FOXP1: variants seen among roughly 807,000 people sequenced by gnomAD.
The protein encoded by FOXP1 is forkhead box P1, also known as forkhead box protein P1.
FOXP1 carries 15 observed loss-of-function variants against 98.2 expected under a neutral mutation model. That is an observed-to-expected ratio of 0.15 (90% CI 0.10 to 0.24). The LOEUF (loss-of-function observed/expected upper bound fraction) is 0.24. Ranked by LOEUF, FOXP1 falls within the 10% of genes least tolerant of loss-of-function variation. FOXP1 has a pLI of 1.00. For synonymous variants in FOXP1, 371 were observed against 314.5 expected (o/e 1.18, Z -1.90); for missense variants, 633 against 848.5 (o/e 0.75, Z 3.15).
chr3:71,226,044 A>AT (rs2065809027), intron 5 of FOXP1, among the ~76,000 whole-genome samples: 1 of 152,250 alleles, frequency 6.6e-6, no homozygotes, highest in African/African-American at 2.4e-5. Flanking sequence ...CCTGGTTCAG[A>AT]TTCAGGAGAG....
chr3:71,108,583 T>A (rs1013207613), intron 7 of FOXP1, among the ~76,000 whole-genome samples: 2 of 152,156 alleles, frequency 1.3e-5, no homozygotes, highest in African/African-American at 4.8e-5. Flanking sequence ...CTGGTCAACA[T>A]GGTGAAACCA....
In FOXP1 at chr3:70,956,875, G is replaced by C. The variant is rs1559550993; in HGVS notation, c.*2372C>G. The C allele has an allele frequency of 4.7e-6, 1 of 213,142 alleles. No homozygotes were observed. Among genetic ancestry groups the C allele is most frequent in the Non-Finnish European group, 9.4e-6 (1 of 106,940 alleles). 13.2% of individuals were successfully genotyped at this position (213,142 alleles called of 1,614,324 possible). ...TTTGTACCAAGCTTATGAGTGGATG[G>C]GAGTGTTACTTTTCTTTAAATGAAA... On this transcript the variant is annotated 3_prime_UTR_variant, in exon 21 of 21. Transcript: ENST00000649528.
chr3:71,121,478 TA>T (rs371233213), intron 6 of FOXP1, among the ~76,000 whole-genome samples: 6 of 124,166 alleles, frequency 4.8e-5, no homozygotes, highest in Admixed American at 8.9e-5. Context: ...TGGGAAGAGC[TA>T]AAAAAAAAAC....
intron 5 of FOXP1, among the ~76,000 whole-genome samples, chr3:71,205,217 T>C (rs2063945747): frequency 6.6e-6 from 1 of 152,160 alleles, no homozygotes. Flanking sequence ...ATTTCCGAAT[T>C]GACAAACAAA....
intron 6 of FOXP1, among the ~76,000 whole-genome samples, chr3:71,145,474 A>G (rs1233640244): frequency 6.6e-6 from 1 of 152,170 alleles, no homozygotes; most frequent in Admixed American, 6.5e-5. Flanking sequence ...ACCGGAGGGC[A>G]GAGGTTGCAA....
intron 3 of FOXP1, among the ~76,000 whole-genome samples, chr3:71,467,172 C>A (rs539193080): frequency 1.3e-5 from 2 of 152,302 alleles, no homozygotes; most frequent in Middle Eastern, 3.4e-3. Flanking sequence ...TATATACATA[C>A]ACGTACATGC....
intron 4 of FOXP1, among the ~76,000 whole-genome samples, chr3:71,340,597 T>C (rs2076955023): frequency 1.3e-5 from 2 of 152,222 alleles, no homozygotes; most frequent in East Asian, 1.9e-4. Context: ...AGTTAGTCCA[T>C]GTCTACACAG....
At chr3:71,504,880 AG>A (rs2041690243) in intron 2 of FOXP1, among the ~76,000 whole-genome samples, 1 of 152,198 alleles carries the variant, frequency 6.6e-6, no homozygotes, top group South Asian at 2.1e-4. Context: ...ACATGTGCAA[AG>A]CCTGTGCTGC....
At chr3:71,580,049 G>A (rs1239104347) in intron 2 of FOXP1, among the ~76,000 whole-genome samples, 1 of 151,778 alleles carries the variant, frequency 6.6e-6, no homozygotes, top group Non-Finnish European at 1.5e-5. Flanking sequence ...TGATCGAATA[G>A]TCCAGGGTTC....
intron 6 of FOXP1, among the ~76,000 whole-genome samples, chr3:71,157,796 G>A (rs2060898103): frequency 6.6e-6 from 1 of 152,096 alleles, no homozygotes. Flanking sequence ...ATTCTAAAGT[G>A]TGGAGGGAGG....
intron 3 of FOXP1, among the ~76,000 whole-genome samples, chr3:71,391,898 T>G (rs2081065778): frequency 1.3e-5 from 2 of 152,184 alleles, no homozygotes; most frequent in African/African-American, 4.8e-5. Context: ...CATTTGTCCT[T>G]GAAAACTTAG....
At chr3:71,435,084 T>A (rs1420336751) in intron 3 of FOXP1, among the ~76,000 whole-genome samples, 1 of 149,930 alleles carries the variant, frequency 6.7e-6, no homozygotes, top group African/African-American at 2.5e-5. Context: ...TCATTCTTTT[T>A]CTCATAAGAG....
intron 8 of FOXP1, among the ~76,000 whole-genome samples, chr3:71,052,862 A>C (rs1024135719): frequency 6.6e-6 from 1 of 152,232 alleles, no homozygotes; most frequent in Admixed American, 6.5e-5. Flanking sequence ...TACACAAACT[A>C]ATTAAAATAA....
chr3:71,085,197 C>CAGTG (rs2054899530), intron 7 of FOXP1, among the ~76,000 whole-genome samples: 1 of 152,154 alleles, frequency 6.6e-6, no homozygotes, highest in Non-Finnish European at 1.5e-5. Flanking sequence ...GGCTGGAGTA[C>CAGTG]AGTGACACAA....
At chr3:71,495,779 T>G (rs1172218240) in intron 2 of FOXP1, among the ~76,000 whole-genome samples, 2 of 152,012 alleles carry the variant, frequency 1.3e-5, no homozygotes, top group Admixed American at 6.6e-5. Flanking sequence ...AAGTCCTGAG[T>G]TTTTGTGATA....
At chr3:71,279,297 T>C (rs529030910) in intron 5 of FOXP1, among the ~76,000 whole-genome samples, 12 of 151,850 alleles carry the variant, frequency 7.9e-5, no homozygotes, top group Non-Finnish European at 1.3e-4. Flanking sequence ...TAAATACACA[T>C]AGCTTTTCAC....
chr3:71,374,458 T>C (rs1232599110), intron 3 of FOXP1, among the ~76,000 whole-genome samples: 1 of 152,022 alleles, frequency 6.6e-6, no homozygotes, highest in Non-Finnish European at 1.5e-5. Flanking sequence ...CTGGGTATGG[T>C]GGCACACACC....
At chr3:70,962,476 T>C (rs1186253784) in intron 20 of FOXP1, among the ~76,000 whole-genome samples, 1 of 152,216 alleles carries the variant, frequency 6.6e-6, no homozygotes, top group African/African-American at 2.4e-5. Flanking sequence ...GCAGCAAGCA[T>C]TATTTGTGAA....
intron 3 of FOXP1, among the ~76,000 whole-genome samples, chr3:71,419,660 T>C (rs947319536): frequency 1.3e-5 from 2 of 152,200 alleles, no homozygotes; most frequent in African/African-American, 2.4e-5. Context: ...TGGAGGTTTC[T>C]AGTCTAACTC....
Sources: gnomAD v4.1 joint callset for allele counts (sites outside exome capture counted in the v4.1 genomes callset) on GRCh38, gnomAD v4.1.1 for gene constraint, MANE v1.5 for transcripts, NCBI Gene and HGNC (gene_info 2026-07-23, HGNC 2026-07-21) for gene names.